Variants in CELF2 observed in about 807,000 individuals in gnomAD.
The protein encoded by CELF2 is CUG triplet repeat RNA-binding protein 2.
Under a neutral mutation model 62.6 loss-of-function variants are expected in CELF2, and 8 were observed. That is an observed-to-expected ratio of 0.13 (90% CI 0.07 to 0.23). CELF2 has a LOEUF of 0.23. CELF2 is among the 10% of genes least tolerant of loss of function. CELF2 has a pLI of 1.00. For missense variants in CELF2, 333 were observed against 671.0 expected (o/e 0.50, Z 5.56); for synonymous variants, 258 against 250.0 (o/e 1.03, Z -0.30).
At chr10:10,989,618 G>T (rs1341947054) in intron 2 of CELF2, among the ~76,000 whole-genome samples, 4 of 151,806 alleles carry the variant, frequency 2.6e-5, no homozygotes, top group Admixed American at 1.3e-4. Flanking sequence ...CTACTCTCAG[G>T]GTAGGTGAGA....
the CELF2 span, among the ~76,000 whole-genome samples, chr10:10,579,853 A>G: frequency 1.7e-4 from 25 of 150,046 alleles, 1 homozygote; most frequent in South Asian, 5.4e-3. Context: ...AAATACACAC[A>G]CACACACACA....
intron 2 of CELF2, among the ~76,000 whole-genome samples, chr10:10,987,363 T>C (rs2136564157): frequency 6.6e-6 from 1 of 152,294 alleles, no homozygotes; most frequent in South Asian, 2.1e-4. Context: ...TTGTAAATAT[T>C]ATCGTAAACT....
chr10:11,192,924 G>A (rs1050866179), intron 2 of CELF2, among the ~76,000 whole-genome samples: 10 of 152,222 alleles, frequency 6.6e-5, no homozygotes, highest in African/African-American at 2.4e-4. Context: ...GCTGGACGTT[G>A]CGAGAGTGCT....
chr10:10,630,305 C>T, the CELF2 span, among the ~76,000 whole-genome samples: 5 of 152,178 alleles, frequency 3.3e-5, no homozygotes, highest in Admixed American at 1.3e-4. Flanking sequence ...CTGTGAAGAC[C>T]GTCCAACAGT....
intron 1 of CELF2, among the ~76,000 whole-genome samples, chr10:11,109,719 T>C (rs939212702): frequency 1.3e-5 from 2 of 152,198 alleles, no homozygotes; most frequent in African/African-American, 4.8e-5. Context: ...ATGAAAGTTT[T>C]GTGAGTTTCT....
At chr10:10,742,338 T>C in the CELF2 span, among the ~76,000 whole-genome samples, 18 of 152,170 alleles carry the variant, frequency 1.2e-4, no homozygotes, top group African/African-American at 3.9e-4. Context: ...CTCCTTACAA[T>C]ACTCTTTTGG....
intron 12 of CELF2, among the ~76,000 whole-genome samples, chr10:11,326,243 C>T (rs1461036168): frequency 6.6e-6 from 1 of 152,240 alleles, no homozygotes; most frequent in Non-Finnish European, 1.5e-5. Flanking sequence ...CCACTAATTC[C>T]TTAGCCCTCC....
intron 3 of CELF2, among the ~76,000 whole-genome samples, chr10:11,240,425 T>G (rs1215118077): frequency 2.0e-5 from 3 of 152,210 alleles, no homozygotes; most frequent in African/African-American, 7.2e-5. Context: ...AACCATTGTT[T>G]CCTCTCACAC....
In CELF2 at chr10:11,081,685, C is replaced by T. The variant is rs1247432857; in HGVS notation, c.74+63522C>T. Among the ~76,000 whole-genome samples, 4 of 152,102 alleles carry T rather than the reference C, an allele frequency of 2.6e-5. No homozygotes were observed. In the East Asian group the frequency reaches 7.7e-4, roughly 29 times the overall value. Reference sequence around the variant, plus strand: ...ATTTAGAAATAGATGAAAATTTGTACGAGGAGATTTTGACAGATTTGTTTT... The same window carrying T: ...ATTTAGAAATAGATGAAAATTTGTATGAGGAGATTTTGACAGATTTGTTTT... On this transcript the variant is annotated intron_variant, in intron 1 of 12. Coordinates refer to ENST00000633077, the MANE Select transcript of CELF2 (RefSeq NM_001326342.2).
chr10:11,174,969 G>A (rs1430309705), intron 2 of CELF2, among the ~76,000 whole-genome samples: 1 of 152,200 alleles, frequency 6.6e-6, no homozygotes, highest in East Asian at 1.9e-4. Context: ...AACATTCTGT[G>A]TAGGGGATGC....
At chr10:10,769,666 A>C in the CELF2 span, among the ~76,000 whole-genome samples, 1 of 152,124 alleles carries the variant, frequency 6.6e-6, no homozygotes. Flanking sequence ...CAGGGGACTG[A>C]GGCAGGAGAA....
At chr10:10,805,194 C>A (rs995361392) in intron 1 of CELF2, among the ~76,000 whole-genome samples, 1 of 152,136 alleles carries the variant, frequency 6.6e-6, no homozygotes, top group Non-Finnish European at 1.5e-5. Context: ...TGTAAAGTTC[C>A]GGTCACTCAT....
chr10:10,970,422 G>A (rs1461989372), intron 2 of CELF2, among the ~76,000 whole-genome samples: 3 of 152,098 alleles, frequency 2.0e-5, no homozygotes, highest in African/African-American at 7.2e-5. Context: ...TGTTAAAGAG[G>A]AAACCCATCG....
At chr10:10,865,402 A>G (rs546986084) in intron 1 of CELF2, among the ~76,000 whole-genome samples, 1 of 152,314 alleles carries the variant, frequency 6.6e-6, no homozygotes, top group South Asian at 2.1e-4. Flanking sequence ...CCCCAAAATA[A>G]AATATATGAA....
chr10:11,205,834 A>T (rs548118727), intron 2 of CELF2, among the ~76,000 whole-genome samples: 37 of 152,340 alleles, frequency 2.4e-4, no homozygotes, highest in South Asian at 8.3e-4. Context: ...GGGTGAAGAC[A>T]GTTATAACGG....
At chr10:11,254,823 G>A (rs1351544280) in intron 4 of CELF2, among the ~76,000 whole-genome samples, 1 of 152,100 alleles carries the variant, frequency 6.6e-6, no homozygotes, top group Non-Finnish European at 1.5e-5. Flanking sequence ...GGGGGTAGGA[G>A]TCTCGGAGAC....
chr10:11,185,197 C>G (rs1280818058), intron 2 of CELF2, among the ~76,000 whole-genome samples: 1 of 151,876 alleles, frequency 6.6e-6, no homozygotes, highest in Non-Finnish European at 1.5e-5. Context: ...TTTTTTAAGA[C>G]AGGATCTTGC....
chr10:11,075,906 G>C lies in CELF2; in HGVS notation c.74+57743G>C, dbSNP rs1035508826. On this transcript the variant is annotated intron_variant, in intron 1 of 12. Transcript: ENST00000633077. This position sits in a 1 kb window ranked among gnomAD's most constrained non-coding sequence, Gnocchi z 5.4. The stretch of plus-strand genomic sequence containing the variant: ...ATAAACTGCCAACATCAGTATCTCA[G>C]AATGAGTGAAACAAAAAGCTTTCCT... 8.5e-5 allele frequency among the ~76,000 whole-genome samples: 13 copies of C among 152,074 alleles called. No homozygotes were observed. The highest frequency in any genetic ancestry group is 3.1e-4 in the African/African-American group (13 of 41,418).
chr10:11,289,531 A>G lies in CELF2; in HGVS notation c.976+979A>G, dbSNP rs117816984. ...GAGCAGTTGCCCTTTGTCTCTGCAT[A>G]AAACATTGTGTATCTAAGACATTTC... is the stretch of plus-strand genomic sequence containing the variant. On this transcript the variant is annotated intron_variant, in intron 9 of 12. Transcript: ENST00000633077. 1.2e-3 allele frequency among the ~76,000 whole-genome samples: 190 copies of G among 152,342 alleles called. 2 individuals carry two copies. In the East Asian group the frequency reaches 0.033, roughly 27 times the overall value.
Sources: gnomAD v4.1 joint callset for allele counts (sites outside exome capture counted in the v4.1 genomes callset) on GRCh38, gnomAD v4.1.1 for gene constraint, Gnocchi (gnomAD v3.1) non-coding constraint, MANE v1.5 for transcripts, NCBI Gene and HGNC (gene_info 2026-07-23, HGNC 2026-07-21) for gene names.